Variants in STIM1 observed in about 807,000 individuals in gnomAD.
STIM1 encodes the protein stromal interaction molecule 1.
STIM1 carries 25 observed loss-of-function variants against 74.7 expected under a neutral mutation model. The observed-to-expected ratio is 0.33, with a 90% CI of 0.24 to 0.47. The LOEUF (loss-of-function observed/expected upper bound fraction) is 0.47. Ranked by LOEUF, STIM1 falls within the 20% of genes least tolerant of loss-of-function variation. STIM1 has a pLI of 1.00. For missense variants in STIM1, 728 were observed against 920.8 expected, an observed-to-expected ratio of 0.79 and a Z score of 2.71; for synonymous variants, 328 against 348.8, an observed-to-expected ratio of 0.94 and a Z score of 0.66.
At chr11:3,875,492 G>A (rs763442939) in intron 1 of STIM1, among the ~76,000 whole-genome samples, 17 of 152,074 alleles carry the variant, frequency 1.1e-4, no homozygotes, top group Admixed American at 2.0e-4. Flanking sequence ...TTGGGAGGCC[G>A]AGGCAGGCAG....
At chr11:3,880,409 C>T (rs1590520409) in intron 1 of STIM1, among the ~76,000 whole-genome samples, 1 of 152,244 alleles carries the variant, frequency 6.6e-6, no homozygotes, top group African/African-American at 2.4e-5. Context: ...CCCAAAGTCT[C>T]CCGTCTCCCA....
chr11:4,036,544 C>A (rs750962923), intron 3 of STIM1, among the ~76,000 whole-genome samples: 7 of 152,118 alleles, frequency 4.6e-5, no homozygotes, highest in Non-Finnish European at 8.8e-5. Context: ...TAGTAATTGC[C>A]ATTCTGACTG....
intron 1 of STIM1, among the ~76,000 whole-genome samples, chr11:3,931,666 C>T (rs2092861802): frequency 6.6e-6 from 1 of 152,166 alleles, no homozygotes; most frequent in South Asian, 2.1e-4. Context: ...GTTTGTGTCC[C>T]TCTACATTTC....
intron 2 of STIM1, among the ~76,000 whole-genome samples, chr11:3,968,339 C>A (rs1331830853): frequency 2.0e-5 from 3 of 152,210 alleles, no homozygotes; most frequent in African/African-American, 7.2e-5. Flanking sequence ...TCATTTAAAG[C>A]TCAACATATA....
rs1014911274 is a variant in STIM1, at chr11:4,092,610, TG to T, written c.*813del. 3.3e-5 allele frequency: 5 copies of T among 152,418 alleles called. No homozygotes were observed. The highest frequency in any genetic ancestry group is 2.4e-5 in the African/African-American group (1 of 41,424). 9.4% of individuals were successfully genotyped at this position (152,418 alleles called of 1,614,324 possible). ...AGGAGGATTTGTCTCTAAGAGGTGC[TG>T]CCCCAAAGCTCCCCAAGCATCAATA... On this transcript the variant is annotated 3_prime_UTR_variant, in exon 13 of 13. Transcript: ENST00000526596.
intron 12 of STIM1, chr11:4,088,902 C>A: frequency 1.4e-6 from 1 of 694,670 alleles, no homozygotes; most frequent in Non-Finnish European, 2.4e-6. Flanking sequence ...CTTGCTTTGG[C>A]AGTCCCAACT....
intron 2 of STIM1, among the ~76,000 whole-genome samples, chr11:4,006,057 G>A (rs539599278): frequency 1.3e-5 from 2 of 152,268 alleles, no homozygotes; most frequent in South Asian, 2.1e-4. Flanking sequence ...ACCAAATCTC[G>A]TGTTGAATTG....
chr11:3,971,230 T>TA (rs2093389903), intron 2 of STIM1, among the ~76,000 whole-genome samples: 1 of 121,278 alleles, frequency 8.2e-6, no homozygotes, highest in African/African-American at 3.4e-5. Flanking sequence ...TAAACAAGTA[T>TA]GAAAAAAAAA....
chr11:3,874,192 C>T (rs1016142458), intron 1 of STIM1, among the ~76,000 whole-genome samples: 2 of 152,120 alleles, frequency 1.3e-5, no homozygotes, highest in Admixed American at 1.3e-4. Flanking sequence ...TGGATGTGGC[C>T]TGGGTTTCTG....
At chr11:3,966,379 C>T (rs932400390) in intron 1 of STIM1, among the ~76,000 whole-genome samples, 1 of 152,202 alleles carries the variant, frequency 6.6e-6, no homozygotes, top group Admixed American at 6.5e-5. Context: ...GGTGACCTGT[C>T]TAGTCTTATC....
chr11:3,910,472 C>T (rs1374514995), intron 1 of STIM1, among the ~76,000 whole-genome samples: 1 of 152,084 alleles, frequency 6.6e-6, no homozygotes, highest in Non-Finnish European at 1.5e-5. Context: ...CACCTGCTTG[C>T]AGTCCCAGCT....
chr11:3,995,541 T>A (rs2093655558), intron 2 of STIM1, among the ~76,000 whole-genome samples: 1 of 152,222 alleles, frequency 6.6e-6, no homozygotes, highest in African/African-American at 2.4e-5. Context: ...TGCTCTGCTC[T>A]TTTCAGCAAT....
At chr11:3,950,797 T>A (rs1363202523) in intron 1 of STIM1, among the ~76,000 whole-genome samples, 1 of 152,118 alleles carries the variant, frequency 6.6e-6, no homozygotes, top group Non-Finnish European at 1.5e-5. Flanking sequence ...AGCTAATTTT[T>A]AAATTTTTAT....
At position 4,091,434 on chromosome 11, in the gene STIM1, C is replaced by G; in HGVS notation, c.1787C>G (p.Pro596Arg). ...GSHRLIEGVH[P>R]GSLVEKLPDS... ...CACCGGCTGATCGAGGGGGTCCACC[C>G]AGGGTCTCTGGTGGAGAAACTGCCT... The change falls in exon 13 of 13, where the codon CCA becomes CGA. Residue 596 changes from proline (P) to arginine (R), a missense_variant. Transcript: ENST00000526596. The G allele has an allele frequency of 1.9e-6, 3 of 1,614,212 alleles. No individual in the cohort carries two copies. The African/African-American group carries it at 4.0e-5, about 22-fold the overall frequency.
At chr11:3,981,272 T>C (rs1160106843) in intron 2 of STIM1, among the ~76,000 whole-genome samples, 1 of 152,214 alleles carries the variant, frequency 6.6e-6, no homozygotes, top group African/African-American at 2.4e-5. Context: ...GAAGTAATCC[T>C]TTCTCATGTT....
rs751520286 is a variant in STIM1, at chr11:3,856,292, G to A, written c.22G>A (p.Ala8Thr). The A allele has an allele frequency of 1.2e-6, 2 of 1,614,166 alleles. No individual in the cohort carries two copies. The highest frequency in any genetic ancestry group is 2.2e-5 in the South Asian group (2 of 91,092). The change falls in exon 1 of 13, where the codon GCC (alanine) becomes ACC (threonine). Residue 8 changes from alanine (A) to threonine (T), a missense_variant. By Grantham distance (58) the Ala-to-Thr change is moderately conservative (BLOSUM62 0). This residue lies in a region of STIM1 where 62 missense variants were observed against 55.5 expected (regional missense o/e 1.12). Coordinates refer to ENST00000526596, the MANE Select transcript of STIM1 (RefSeq NM_001382567.1). MDVCVRLALWLLWGLLLH... is the reference protein window; with the variant it reads MDVCVRLTLWLLWGLLLH... The stretch of plus-strand genomic sequence containing the variant: ...AGTCATGGATGTATGCGTCCGTCTT[G>A]CCCTGTGGCTCCTCTGGGGACTCCT...
At chr11:4,012,533 C>T (rs1565148054) in intron 2 of STIM1, among the ~76,000 whole-genome samples, 1 of 151,944 alleles carries the variant, frequency 6.6e-6, no homozygotes, top group South Asian at 2.1e-4. Flanking sequence ...TTTGTCTGTT[C>T]TTGGTGTATA....
At chr11:3,889,368 ATTT>A (rs35294046) in intron 1 of STIM1, among the ~76,000 whole-genome samples, 17 of 138,972 alleles carry the variant, frequency 1.2e-4, no homozygotes, top group Non-Finnish European at 1.7e-4. Flanking sequence ...CAGATATTTA[ATTT>A]TTTTTTTTTT....
chr11:3,963,725 G>C (rs1220700389), intron 1 of STIM1, among the ~76,000 whole-genome samples: 2 of 152,192 alleles, frequency 1.3e-5, no homozygotes, highest in Non-Finnish European at 2.9e-5. Flanking sequence ...ATCACAGTCT[G>C]GTGGGGAAGA....
Sources: gnomAD v4.1 joint callset for allele counts (sites outside exome capture counted in the v4.1 genomes callset) on GRCh38, gnomAD v4.1.1 for gene constraint, gnomAD v4.1.1 regional missense constraint, MANE v1.5 for transcripts, NCBI Gene and HGNC (gene_info 2026-07-23, HGNC 2026-07-21) for gene names.